ROBO1: variants seen among roughly 807,000 people sequenced by gnomAD.
The protein encoded by ROBO1 is roundabout guidance receptor 1, also known as roundabout homolog 1.
A neutral mutation model predicts 195.9 loss-of-function variants in ROBO1; 149 were observed. The observed-to-expected ratio is 0.76, with a 90% confidence interval of 0.67 to 0.87. The LOEUF is 0.87. Ranked by LOEUF, ROBO1 falls within the 40% of genes least tolerant of loss-of-function variation. The probability of loss-of-function intolerance (pLI) is 0.00; values close to 1 mark genes in which losing one functional copy is unlikely to be tolerated. For missense variants in ROBO1, 1,933 were observed against 2,068.3 expected (o/e 0.93, Z 1.27); for synonymous variants, 816 against 733.2 (o/e 1.11, Z -1.82).
chr3:79,639,322 T>C (rs981319813), intron 1 of ROBO1, among the ~76,000 whole-genome samples: 1 of 152,210 alleles, frequency 6.6e-6, no homozygotes, highest in Non-Finnish European at 1.5e-5. Flanking sequence ...TACATTCATT[T>C]ATTATTTTTT....
chr3:79,604,194 G>C (rs1944418112), intron 1 of ROBO1, among the ~76,000 whole-genome samples: 1 of 151,810 alleles, frequency 6.6e-6, no homozygotes. Context: ...TTGAGATACA[G>C]AGGCAAAAAG....
At chr3:79,339,080 T>C (rs1468464609) in intron 2 of ROBO1, among the ~76,000 whole-genome samples, 1 of 152,154 alleles carries the variant, frequency 6.6e-6, no homozygotes, top group African/African-American at 2.4e-5. Context: ...TCAAAATATG[T>C]CCAGACTCTT....
intron 4 of ROBO1, among the ~76,000 whole-genome samples, chr3:78,785,006 T>C (rs755682514): frequency 6.6e-6 from 1 of 152,180 alleles, no homozygotes; most frequent in Non-Finnish European, 1.5e-5. Context: ...ACATCCAGCA[T>C]ATTGTGTACC....
At chr3:79,018,215 T>G (rs1174916668) in intron 3 of ROBO1, among the ~76,000 whole-genome samples, 1 of 151,960 alleles carries the variant, frequency 6.6e-6, no homozygotes, top group Non-Finnish European at 1.5e-5. Context: ...GGGGAGGTTT[T>G]GGGGAGTGGG....
At chr3:78,974,906 A>G (rs2076852206) in intron 3 of ROBO1, among the ~76,000 whole-genome samples, 1 of 152,330 alleles carries the variant, frequency 6.6e-6, no homozygotes, top group South Asian at 2.1e-4. Flanking sequence ...TGGTTGCTCA[A>G]GGTAAAATTC....
rs1443460738 is a variant in ROBO1, at chr3:79,526,871, CAA to C, written c.88+62951_88+62952del. On this transcript the variant is annotated intron_variant, in intron 2 of 30. Transcript: ENST00000464233. ...CAGTTGTTAATAAAAATGTGTCAAACAAGAGAACATTTTTCCCTATTCTGTAT... is the reference window on the plus strand; with the variant it reads ...CAGTTGTTAATAAAAATGTGTCAAACGAGAACATTTTTCCCTATTCTGTAT... 6.6e-5 allele frequency among the ~76,000 whole-genome samples: 10 copies of C among 152,138 alleles called. No individual in the cohort carries two copies. The East Asian group carries it at 1.2e-3, about 18-fold the overall frequency.
rs565581279 is a variant in ROBO1 at position 79,113,843 on chromosome 3, T to A, written c.172+11613A>T. ...GAACTTACTTCCCATTAAGCTTAAC[T>A]CTTTGGCTTTTAGATCTCAGATAAT... On this transcript the variant is annotated intron_variant, in intron 3 of 30. Transcript: ENST00000464233. 3.9e-5 allele frequency among the ~76,000 whole-genome samples: 6 copies of A among 152,260 alleles called. No individual in the cohort carries two copies. The East Asian group carries it at 9.6e-4, about 24-fold the overall frequency.
chr3:79,028,511 G>T (rs2078240115), intron 3 of ROBO1, among the ~76,000 whole-genome samples: 2 of 151,898 alleles, frequency 1.3e-5, no homozygotes, highest in Non-Finnish European at 2.9e-5. Flanking sequence ...CTAATCCTGT[G>T]AAGGTGTGCA....
intron 2 of ROBO1, among the ~76,000 whole-genome samples, chr3:79,512,474 G>A (rs1045056160): frequency 1.3e-5 from 2 of 152,060 alleles, no homozygotes; most frequent in African/African-American, 2.4e-5. Context: ...CTGCGAACTC[G>A]TTACGTGCTG....
At chr3:78,973,170 T>C (rs925109993) in intron 3 of ROBO1, among the ~76,000 whole-genome samples, 1 of 152,054 alleles carries the variant, frequency 6.6e-6, no homozygotes, top group Admixed American at 6.6e-5. Flanking sequence ...GAAATAGTCA[T>C]AATATACTAA....
chr3:79,676,871 G>C (rs1946799394), intron 1 of ROBO1, among the ~76,000 whole-genome samples: 1 of 152,010 alleles, frequency 6.6e-6, no homozygotes, highest in Admixed American at 6.6e-5. Flanking sequence ...AAAACAAATG[G>C]AACCATACTT....
intron 3 of ROBO1, among the ~76,000 whole-genome samples, chr3:79,098,373 G>C (rs1185432554): frequency 6.6e-6 from 1 of 151,740 alleles, no homozygotes; most frequent in Non-Finnish European, 1.5e-5. Flanking sequence ...GTCCAATCCT[G>C]GGTTCTCATT....
intron 4 of ROBO1, among the ~76,000 whole-genome samples, chr3:78,885,528 A>T (rs1452635409): frequency 6.6e-6 from 1 of 151,528 alleles, no homozygotes; most frequent in East Asian, 1.9e-4. Flanking sequence ...TATGCAAGCC[A>T]AAGTAGTTAT....
chr3:79,271,515 G>A (rs949455177), intron 2 of ROBO1, among the ~76,000 whole-genome samples: 14 of 151,884 alleles, frequency 9.2e-5, no homozygotes, highest in Non-Finnish European at 7.4e-5. Flanking sequence ...TGGGAAAAAC[G>A]AAAAGAAGGT....
intron 2 of ROBO1, among the ~76,000 whole-genome samples, chr3:79,576,382 T>G (rs1943485879): frequency 6.6e-6 from 1 of 151,990 alleles, no homozygotes; most frequent in South Asian, 2.1e-4. Context: ...CTGTCCATAT[T>G]TCCAAAATCT....
chr3:79,018,622 G>A, intron 3 of ROBO1: 3 of 1,452,572 alleles, frequency 2.1e-6, no homozygotes, highest in Non-Finnish European at 2.7e-6. Context: ...CGACCTTTCC[G>A]GACGCTTGTC....
chr3:78,826,290 C>A (rs1245931589), intron 4 of ROBO1, among the ~76,000 whole-genome samples: 3 of 152,152 alleles, frequency 2.0e-5, no homozygotes, highest in African/African-American at 7.2e-5. Context: ...TGTGTACTGG[C>A]ACATTATTGC....
intron 2 of ROBO1, among the ~76,000 whole-genome samples, chr3:79,356,818 G>T (rs2035572058): frequency 6.6e-6 from 1 of 152,068 alleles, no homozygotes; most frequent in Non-Finnish European, 1.5e-5. Context: ...GGGCATTCAG[G>T]GCAGGTTCAT....
At chr3:79,245,285 T>A (rs780935040) in intron 2 of ROBO1, among the ~76,000 whole-genome samples, 1 of 152,122 alleles carries the variant, frequency 6.6e-6, no homozygotes, top group Non-Finnish European at 1.5e-5. Context: ...TATTTTCATA[T>A]GGCAAACTAC....
Sources: allele counts gnomAD v4.1 joint callset (sites outside exome capture counted in the v4.1 genomes callset), GRCh38; gene constraint gnomAD v4.1.1; transcripts MANE v1.5; gene names NCBI Gene and HGNC (gene_info 2026-07-23, HGNC 2026-07-21).